KIAA0825: variants seen among roughly 807,000 people sequenced by gnomAD.
KIAA0825 encodes the protein KIAA0825, also known as uncharacterized protein KIAA0825.
In KIAA0825, 119 loss-of-function variants were observed where a neutral mutation model predicts 147.6. The observed-to-expected ratio is 0.81, with a 90% CI of 0.69 to 0.94. The LOEUF (loss-of-function observed/expected upper bound fraction) is 0.94, where lower values mean the gene tolerates loss of function less well. Ranked by LOEUF, KIAA0825 falls within the 40% of genes least tolerant of loss-of-function variation. The pLI is 0.00. For missense variants in KIAA0825, 1,381 were observed against 1,472.7 expected (o/e 0.94, Z 1.02); for synonymous variants, 470 against 518.1 (o/e 0.91, Z 1.26).
At chr5:94,524,822 C>T (rs1768955423) in intron 3 of KIAA0825, among the ~76,000 whole-genome samples, 1 of 151,476 alleles carries the variant, frequency 6.6e-6, no homozygotes, top group South Asian at 2.1e-4. Flanking sequence ...AAAAGTAAAC[C>T]AAGAACAGTG....
chr5:94,451,478 G>T (rs931160961), intron 13 of KIAA0825, among the ~76,000 whole-genome samples: 1 of 152,102 alleles, frequency 6.6e-6, no homozygotes, highest in Non-Finnish European at 1.5e-5. Context: ...TCATGAATTT[G>T]CATAAAATTT....
At position 94,616,646 on chromosome 5, in the gene KIAA0825, A is replaced by AT. The variant is rs1469331443; in HGVS notation, c.-153+1853dup. Among the ~76,000 whole-genome samples, 61 of 152,200 alleles carry AT rather than the reference A, an allele frequency of 4.0e-4. 1 individual carries two copies. Reference sequence around the variant, plus strand: ...GACTCAGTCACCAATATGCTTGCTGATGGTCTCCAGATCTTCTGCATTTGC... The same window carrying AT: ...GACTCAGTCACCAATATGCTTGCTGATTGGTCTCCAGATCTTCTGCATTTGC... On this transcript the variant is annotated intron_variant, in intron 1 of 20. Coordinates refer to ENST00000682413, the MANE Select transcript of KIAA0825 (RefSeq NM_001145678.3).
intron 1 of KIAA0825, among the ~76,000 whole-genome samples, chr5:94,614,197 AAT>A (rs1561398975): frequency 2.0e-5 from 3 of 152,216 alleles, no homozygotes; most frequent in Non-Finnish European, 2.9e-5. Flanking sequence ...GTCACAAGAC[AAT>A]ATAGACAGTA....
At chr5:94,370,595 A>G (rs774007886) in intron 20 of KIAA0825, among the ~76,000 whole-genome samples, 2 of 152,158 alleles carry the variant, frequency 1.3e-5, no homozygotes, top group African/African-American at 2.4e-5. Context: ...AGTCAATATT[A>G]TAAGTTGATA....
chr5:94,452,882 T>C, intron 13 of KIAA0825, 77 bp downstream of exon 13: 1 of 725,326 alleles, frequency 1.4e-6, no homozygotes, highest in Non-Finnish European at 2.1e-6. Context: ...TTCGTTTACA[T>C]CCATTGATAA....
chr5:94,293,166 T>C (rs1777979594), intron 20 of KIAA0825, among the ~76,000 whole-genome samples: 1 of 152,176 alleles, frequency 6.6e-6, no homozygotes, highest in Non-Finnish European at 1.5e-5. Context: ...TTTGAATTTG[T>C]TTGCCTTGCT....
chr5:94,408,134 G>A (rs1045238769), intron 15 of KIAA0825, among the ~76,000 whole-genome samples: 9 of 152,096 alleles, frequency 5.9e-5, no homozygotes, highest in Non-Finnish European at 1.2e-4. Context: ...CAAAGGCAAT[G>A]GTTTGCCAAC....
chr5:94,206,694 A>T (rs1772232098), intron 20 of KIAA0825, among the ~76,000 whole-genome samples: 1 of 152,118 alleles, frequency 6.6e-6, no homozygotes, highest in Admixed American at 6.5e-5. Context: ...TTACACATCA[A>T]AGGTTTCCTG....
chr5:94,295,860 AC>A (rs746699756), intron 20 of KIAA0825, among the ~76,000 whole-genome samples: 20 of 152,084 alleles, frequency 1.3e-4, no homozygotes, highest in Non-Finnish European at 2.6e-4. Context: ...GGGTCTGTTT[AC>A]CCCTGCTGGG....
intron 20 of KIAA0825, among the ~76,000 whole-genome samples, chr5:94,317,551 A>G (rs568203828): frequency 2.6e-5 from 4 of 152,014 alleles, no homozygotes; most frequent in South Asian, 2.1e-4. Context: ...CTTAAAGACA[A>G]TTTACCTCAG....
intron 20 of KIAA0825, among the ~76,000 whole-genome samples, chr5:94,292,140 G>C (rs959265362): frequency 6.6e-5 from 10 of 152,072 alleles, no homozygotes; most frequent in South Asian, 4.1e-4. Flanking sequence ...ACTTCCAATA[G>C]TATGTTGAAC....
chr5:94,427,265 G>A (rs1755014209), intron 14 of KIAA0825, among the ~76,000 whole-genome samples: 2 of 152,190 alleles, frequency 1.3e-5, no homozygotes, highest in African/African-American at 4.8e-5. Context: ...TAGGCATGGT[G>A]GCTCATGCCT....
chr5:94,583,839 G>C (rs557761358), intron 1 of KIAA0825, among the ~76,000 whole-genome samples: 5 of 152,098 alleles, frequency 3.3e-5, no homozygotes, highest in Non-Finnish European at 7.4e-5. Context: ...GGAAGGATCA[G>C]GCAGCAATGT....
intron 5 of KIAA0825, among the ~76,000 whole-genome samples, chr5:94,500,040 G>A (rs1232404512): frequency 6.6e-6 from 1 of 152,166 alleles, no homozygotes; most frequent in Non-Finnish European, 1.5e-5. Flanking sequence ...AGAGTAAGAG[G>A]TGGCACACGC....
intron 20 of KIAA0825, among the ~76,000 whole-genome samples, chr5:94,263,665 C>CTT (rs139379808): frequency 3.6e-4 from 54 of 150,942 alleles, no homozygotes; most frequent in Admixed American, 2.6e-3. Flanking sequence ...CTCTCTCTCT[C>CTT]TTTTTTTTTG....
At chr5:94,535,362 T>C (rs930481287) in intron 3 of KIAA0825, among the ~76,000 whole-genome samples, 2 of 151,674 alleles carry the variant, frequency 1.3e-5, no homozygotes, top group Admixed American at 6.6e-5. Flanking sequence ...ATACAAAAAT[T>C]AGCTGCGTGT....
chr5:94,173,260 T>G (rs1334710542), intron 20 of KIAA0825, among the ~76,000 whole-genome samples: 2 of 152,140 alleles, frequency 1.3e-5, no homozygotes, highest in East Asian at 3.9e-4. Context: ...TCTCAGGGTT[T>G]CTGCTTAATA....
intron 12 of KIAA0825, among the ~76,000 whole-genome samples, chr5:94,453,339 AT>A (rs563316235): frequency 0.54 from 63,383 of 118,210 alleles, 15,241 homozygotes; most frequent in Admixed American, 0.6. Flanking sequence ...CGTGTGGCTG[AT>A]TTTTTTTTTT....
intron 2 of KIAA0825, chr5:94,569,393 G>T (rs1584921312): frequency 5.1e-6 from 2 of 390,308 alleles, no homozygotes; most frequent in East Asian, 7.6e-5. Flanking sequence ...CCCATAAATA[G>T]GAGAAGGCTT....
Sources: allele counts gnomAD v4.1 joint callset (sites outside exome capture counted in the v4.1 genomes callset), GRCh38; gene constraint gnomAD v4.1.1; transcripts MANE v1.5; gene names NCBI Gene and HGNC (gene_info 2026-07-23, HGNC 2026-07-21).